Variants in MPP3 observed in about 807,000 individuals in gnomAD.
MPP3 encodes MAGUK p55 scaffold protein 3, also known as MAGUK p55 subfamily member 3.
In MPP3, 48 loss-of-function variants were observed where a neutral mutation model predicts 80.7. The ratio of observed to expected loss-of-function variants is 0.59; its 90% CI spans 0.47 to 0.76. MPP3 has a LOEUF of 0.76. Among genes scored for constraint, MPP3 ranks in the 30% least tolerant of loss-of-function variants. The probability of loss-of-function intolerance (pLI) is 0.00; values close to 1 mark genes in which losing one functional copy is unlikely to be tolerated. For synonymous variants in MPP3, 311 were observed against 297.6 expected (o/e 1.04, Z -0.46); for missense variants, 620 against 763.0 (o/e 0.81, Z 2.21).
chr17:43,832,052 G>A (rs2045991793), intron 2 of MPP3, 109 bp from the exon 3 acceptor site: 5 of 736,442 alleles, frequency 6.8e-6, no homozygotes, highest in Non-Finnish European at 1.2e-5. Context: ...GGACAGAGAG[G>A]ATGGGAACAA....
At chr17:43,812,452 G>A (rs529466227) in intron 16 of MPP3, among the ~76,000 whole-genome samples, 1 of 152,192 alleles carries the variant, frequency 6.6e-6, no homozygotes, top group African/African-American at 2.4e-5. Flanking sequence ...TGAGACCTGC[G>A]TGATCTGCCC....
Position 43,811,105 on chromosome 17 carries a change from A to G in MPP3, c.1349+7T>C. 2.5e-6 allele frequency: 4 copies of G among 1,612,582 alleles called. No individual in the cohort carries two copies. Among genetic ancestry groups the G allele is most frequent in the Non-Finnish European group, 3.4e-6 (4 of 1,178,532 alleles). ...TGGAGGGCCAACTGGCCCATCAAGC[A>G]ACGTACTTGTTGTGATGTAAGTCGG... is the stretch of plus-strand genomic sequence containing the variant. On this transcript the variant is annotated splice_region_variant and intron_variant, in intron 17 of 19. Transcript: ENST00000398389.
At position 43,811,122 on chromosome 17, in the gene MPP3, G is replaced by C. The variant is rs1209181368; in HGVS notation, c.1339C>G (p.His447Asp). Reference sequence around the variant, plus strand: ...CATCAAGCAACGTACTTGTTGTGATGTAAGTCGGCCTCAAATGCTTGCTTA... The same window carrying C: ...CATCAAGCAACGTACTTGTTGTGATCTAAGTCGGCCTCAAATGCTTGCTTA... ...VSKQAFEADLHHNKFLEHGEY... is the reference protein window; with the variant it reads ...VSKQAFEADLDHNKFLEHGEY... The change falls in exon 17 of 20, where the codon CAT becomes GAT. Residue 447 changes from histidine (H) to aspartate (D), a missense_variant. Transcript: ENST00000398389. 3 of 1,613,958 alleles carry C rather than the reference G, an allele frequency of 1.9e-6. No homozygotes were observed. The highest frequency in any genetic ancestry group is 1.7e-6 in the Non-Finnish European group (2 of 1,179,758).
intron 3 of MPP3, 60 bp from the exon 4 acceptor site, chr17:43,831,737 G>C: frequency 6.8e-7 from 1 of 1,479,264 alleles, no homozygotes; most frequent in Non-Finnish European, 9.3e-7. Context: ...CTGCCCCCGA[G>C]GAGCCCGAGT....
intron 18 of MPP3, among the ~76,000 whole-genome samples, chr17:43,809,603 G>C (rs1240907230): frequency 6.6e-6 from 1 of 152,194 alleles, no homozygotes; most frequent in Non-Finnish European, 1.5e-5. Context: ...TCTTGGGCCA[G>C]GTGCGGTGGC....
At chr17:43,812,928 C>T (rs1027888481) in intron 16 of MPP3, among the ~76,000 whole-genome samples, 2 of 152,186 alleles carry the variant, frequency 1.3e-5, no homozygotes, top group African/African-American at 4.8e-5. Context: ...TCAGATTGGG[C>T]TGTGGAAGAC....
chr17:43,821,412 C>T (rs2045454807), intron 10 of MPP3, among the ~76,000 whole-genome samples: 1 of 152,220 alleles, frequency 6.6e-6, no homozygotes, highest in South Asian at 2.1e-4. Flanking sequence ...AAGGCAAGCA[C>T]AATTTCTAAC....
chr17:43,811,315 C>T (rs1598330539), intron 16 of MPP3, 110 bp from the exon 17 acceptor site: 4 of 778,624 alleles, frequency 5.1e-6, no homozygotes, highest in East Asian at 2.6e-5. Context: ...GTGTCTAAAC[C>T]AGGCACTTCC....
At position 43,810,921 on chromosome 17, in the gene MPP3, A is replaced by C. The variant is rs770667271; in HGVS notation, c.1350-6T>G. On this transcript the variant is annotated splice_region_variant and splice_polypyrimidine_tract_variant and intron_variant, in intron 17 of 19. Coordinates refer to ENST00000398389, the MANE Select transcript of MPP3 (RefSeq NM_001932.6). ...ATTCACCATGTTCCAGGAACCTAAA[A>C]CACCACCAAAGGGGAAAAGGCCTTT... 1.4e-5 allele frequency: 22 copies of C among 1,593,476 alleles called. No homozygotes were observed. Among genetic ancestry groups the C allele is most frequent in the Middle Eastern group, 1.7e-4 (1 of 5,986 alleles).
chr17:43,808,198 C>G (rs2044700825), intron 19 of MPP3, among the ~76,000 whole-genome samples: 2 of 152,116 alleles, frequency 1.3e-5, no homozygotes, highest in Non-Finnish European at 2.9e-5. Flanking sequence ...GCTTCCTGAC[C>G]AAGGGGAAGG....
At position 43,816,717 on chromosome 17, in the gene MPP3, C is replaced by G. The variant is rs761533951; in HGVS notation, c.947-20G>C. The G allele has an allele frequency of 3.8e-6, 6 of 1,570,498 alleles. No individual in the cohort carries two copies. The highest frequency in any genetic ancestry group is 5.2e-6 in the Non-Finnish European group (6 of 1,156,950). ...GATCATCTGCGGTTTGCACAAAAGA[C>G]AGATGGAACAGCATTAGTGGAGGGA... On this transcript the variant is annotated intron_variant, in intron 12 of 19. Transcript: ENST00000398389.
intron 1 of MPP3, 115 bp from the exon 2 acceptor site, chr17:43,832,934 C>A (rs1275692465): frequency 6.6e-6 from 1 of 151,012 alleles, no homozygotes; most frequent in Non-Finnish European, 1.5e-5. Context: ...GCGGGGCGGG[C>A]GCGGGAAGAG....
In MPP3 at chr17:43,811,217, A is replaced by G; in HGVS notation, c.1256-12T>C. On this transcript the variant is annotated splice_polypyrimidine_tract_variant and intron_variant, in intron 16 of 19. Coordinates refer to ENST00000398389, the MANE Select transcript of MPP3 (RefSeq NM_001932.6). ...GGGCCTGGTGGTATCTTTTAAAGAA[A>G]GAAGGAAAGCTGGGCAAAGAGATGT... 6.2e-7 allele frequency: 1 copy of G among 1,608,654 alleles called. No homozygotes were observed. Among genetic ancestry groups the G allele is most frequent in the Non-Finnish European group, 8.5e-7 (1 of 1,175,200 alleles).
chr17:43,823,089 C>T (rs975778119), intron 10 of MPP3, among the ~76,000 whole-genome samples: 1 of 152,132 alleles, frequency 6.6e-6, no homozygotes, highest in Non-Finnish European at 1.5e-5. Context: ...TTCCCTTTCC[C>T]AGTCCTGTAC....
chr17:43,806,587 T>A (rs1210350794), intron 19 of MPP3, among the ~76,000 whole-genome samples: 1 of 152,198 alleles, frequency 6.6e-6, no homozygotes, highest in Non-Finnish European at 1.5e-5. Context: ...ATTTTTTTGT[T>A]ATATGATGGG....
chr17:43,828,124 G>A (rs746254922), intron 7 of MPP3, among the ~76,000 whole-genome samples: 3 of 152,022 alleles, frequency 2.0e-5, no homozygotes, highest in Non-Finnish European at 4.4e-5. Context: ...AAAGCTTTTT[G>A]TGATGCCAAA....
At chr17:43,831,419 C>A in intron 4 of MPP3, 98 bp from the exon 5 acceptor site, 1 of 1,406,830 alleles carries the variant, frequency 7.1e-7, no homozygotes. Flanking sequence ...ACTGACAGGG[C>A]ACCATAAGAG....
At position 43,814,033 on chromosome 17, in the gene MPP3, C is replaced by T. The variant is rs375600904; in HGVS notation, c.1233G>A (p.Gln411=). Residue 411 remains glutamine (Q), a synonymous_variant, in exon 16 of 20, where the codon CAG becomes CAA. Coordinates refer to ENST00000398389, the MANE Select transcript of MPP3 (RefSeq NM_001932.6). ...LKQKVVAENP[Q]HFGVAVPHTT... Reference sequence around the variant, plus strand: ...TACGTGGAACAGCGACGCCAAAGTGCTGTGGGTTCTCAGCCACCACCTTTT... The same window carrying T: ...TACGTGGAACAGCGACGCCAAAGTGTTGTGGGTTCTCAGCCACCACCTTTT... 1.4e-5 allele frequency: 23 copies of T among 1,613,360 alleles called. No individual in the cohort carries two copies. Among genetic ancestry groups the T allele is most frequent in the Admixed American group, 1.0e-4 (6 of 59,960 alleles).
rs2046035058 is a variant in MPP3 at position 43,832,822 on chromosome 17, G to A, written c.-96-3C>T. On this transcript the variant is annotated splice_region_variant and splice_polypyrimidine_tract_variant and intron_variant, in intron 1 of 19. Transcript: ENST00000398389. ...TCCCGCTCGCTCTCCGAAGGAACCT[G>A]TGGGAGAACAAGGAGCGCACTGGGC... 1 of 152,494 alleles carries A rather than the reference G, an allele frequency of 6.6e-6. No individual in the cohort carries two copies. The highest frequency in any genetic ancestry group is 2.4e-5 in the African/African-American group (1 of 41,456). 9.4% of individuals were successfully genotyped at this position (152,494 alleles called of 1,614,324 possible).
Sources: gnomAD v4.1 joint callset for allele counts (sites outside exome capture counted in the v4.1 genomes callset) on GRCh38, gnomAD v4.1.1 for gene constraint, MANE v1.5 for transcripts, NCBI Gene and HGNC (gene_info 2026-07-23, HGNC 2026-07-21) for gene names.